The following PPM1D variants were observed in gnomAD, a reference collection of about 807,000 sequenced individuals.
PPM1D encodes the protein protein phosphatase 1D.
Under a neutral mutation model 58.3 loss-of-function variants are expected in PPM1D, and 52 were observed. The ratio of observed to expected loss-of-function variants is 0.89; its 90% CI spans 0.71 to 1.12. The LOEUF (loss-of-function observed/expected upper bound fraction) is 1.12, where lower values mean the gene tolerates loss of function less well. Ranked by LOEUF, PPM1D falls within the 50% of genes most tolerant of loss-of-function variation. PPM1D has a pLI of 0.00. For missense variants in PPM1D, 564 were observed against 777.2 expected (o/e 0.73, Z 3.26); for synonymous variants, 278 against 285.1 (o/e 0.98, Z 0.25).
chr17:60,629,778 T>C (rs1459260824), intron 2 of PPM1D, among the ~76,000 whole-genome samples: 1 of 152,150 alleles, frequency 6.6e-6, no homozygotes. Flanking sequence ...TGGCTTACGC[T>C]TATAATCCCA....
In PPM1D at chr17:60,631,234, C is replaced by T. The variant is rs960072171; in HGVS notation, c.702-2619C>T. ...ATTTGGGAAGCTGAGGTGGGAGCAT[C>T]ACTTGAGCCTGGGAAGTCAAAGCTG... On this transcript the variant is annotated intron_variant, in intron 2 of 5. Transcript: ENST00000305921. Among the ~76,000 whole-genome samples, 11 of 152,242 alleles carry T rather than the reference C, an allele frequency of 7.2e-5. No homozygotes were observed. The East Asian group carries it at 2.1e-3, about 30-fold the overall frequency.
At chr17:60,630,104 A>G (rs1215452466) in intron 2 of PPM1D, among the ~76,000 whole-genome samples, 2 of 152,124 alleles carry the variant, frequency 1.3e-5, no homozygotes, top group Non-Finnish European at 2.9e-5. Context: ...TTTGGAGGCC[A>G]AGATGGGAGG....
intron 2 of PPM1D, among the ~76,000 whole-genome samples, chr17:60,632,217 C>T (rs2030937070): frequency 6.6e-6 from 1 of 151,542 alleles, no homozygotes; most frequent in Non-Finnish European, 1.5e-5. Context: ...AAAACCTAAT[C>T]ATATTTCCAA....
intron 3 of PPM1D, among the ~76,000 whole-genome samples, chr17:60,645,456 A>ATGTGTGTGTGTGTGTG (rs371276467): frequency 1.1e-4 from 14 of 123,908 alleles, no homozygotes; most frequent in African/African-American, 3.8e-4. Context: ...TAAAATATAT[A>ATGTGTGTGTGTGTGTG]TGTGTGTGTG....
Position 60,600,523 on chromosome 17 carries a change from GA to G in PPM1D, c.113del (p.Lys38SerfsTer127). 1 of 1,562,132 alleles carries G rather than the reference GA, an allele frequency of 6.4e-7. No individual in the cohort carries two copies. The highest frequency in any genetic ancestry group is 8.7e-7 in the Non-Finnish European group (1 of 1,153,492). On this transcript the variant is annotated frameshift_variant, in exon 1 of 6. Coordinates refer to ENST00000305921, the MANE Select transcript of PPM1D (RefSeq NM_003620.4). LOFTEE classifies it high-confidence loss of function. The part of the protein sequence containing the change: ...IVVEPEPTAE[E>X]KPSPRRSLSQ... ...TGTGGAGCCCGAACCGACGGCTGAA[GA>G]AAAGCCCTCGCCGCGGCGGTCGCTG...
At chr17:60,628,005 G>A (rs767706236) in intron 2 of PPM1D, among the ~76,000 whole-genome samples, 114 of 151,990 alleles carry the variant, frequency 7.5e-4, no homozygotes, top group Non-Finnish European at 1.4e-3. Flanking sequence ...GAGTAGCTGG[G>A]ATTAGAGGCA....
intron 1 of PPM1D, among the ~76,000 whole-genome samples, chr17:60,602,070 G>T (rs1224745777): frequency 1.3e-5 from 2 of 152,208 alleles, no homozygotes; most frequent in Admixed American, 6.5e-5. Context: ...TTCAAAGTCT[G>T]TTTTCCATTT....
chr17:60,625,791 A>G (rs942718255), intron 2 of PPM1D, among the ~76,000 whole-genome samples: 1 of 152,212 alleles, frequency 6.6e-6, no homozygotes, highest in Non-Finnish European at 1.5e-5. Context: ...TGGGAATAAG[A>G]TGGAAATATT....
Position 60,645,452 on chromosome 17 carries a change from ATATATGTG to A in PPM1D, c.827-2438_827-2431del, listed in dbSNP as rs1427990900. Among the ~76,000 whole-genome samples the A allele has an allele frequency of 4.6e-4, 50 of 108,350 alleles. No homozygotes were observed. The Admixed American group carries it at 5.2e-3, about 11-fold the overall frequency. 71.1% of individuals were successfully genotyped at this position (108,350 alleles called of 152,430 possible). A position where few individuals can be genotyped will look rare whatever the true frequency, so the allele number is the denominator to read the frequency against. The stretch of plus-strand genomic sequence containing the variant: ...TGGTTTCACCAAAGCAATGTAAAAT[ATATATGTG>A]TGTGTGTGTGTGTGTGTGTGTGTGT... On this transcript the variant is annotated intron_variant, in intron 3 of 5. Coordinates refer to ENST00000305921, the MANE Select transcript of PPM1D (RefSeq NM_003620.4).
chr17:60,619,241 A>G (rs906618550), intron 1 of PPM1D, among the ~76,000 whole-genome samples: 1 of 150,048 alleles, frequency 6.7e-6, no homozygotes, highest in African/African-American at 2.5e-5. Flanking sequence ...TGGCTGAACG[A>G]TATTCCATTG....
chr17:60,656,457 A>T, intron 4 of PPM1D, 142 bp from the exon 5 acceptor site: 3 of 1,168,090 alleles, frequency 2.6e-6, no homozygotes, highest in Non-Finnish European at 3.5e-6. Flanking sequence ...TGTCTCAAAA[A>T]AAAAAAAAGA....
chr17:60,650,276 C>T (rs372772012), intron 4 of PPM1D, among the ~76,000 whole-genome samples: 5 of 152,146 alleles, frequency 3.3e-5, no homozygotes, highest in African/African-American at 1.2e-4. Context: ...GTAGGCCGGG[C>T]GCAGTGGCTC....
At chr17:60,658,310 A>G (rs1244307720) in intron 5 of PPM1D, among the ~76,000 whole-genome samples, 1 of 152,212 alleles carries the variant, frequency 6.6e-6, no homozygotes, top group African/African-American at 2.4e-5. Flanking sequence ...AAATTATTGC[A>G]GTCTGCTGAC....
intron 3 of PPM1D, among the ~76,000 whole-genome samples, chr17:60,642,752 C>T (rs1168852345): frequency 2.6e-5 from 4 of 152,056 alleles, no homozygotes; most frequent in Non-Finnish European, 5.9e-5. Context: ...CCACTGCCTC[C>T]GGCCAGGAAA....
chr17:60,639,069 G>T (rs534822588), intron 3 of PPM1D, among the ~76,000 whole-genome samples: 1 of 152,168 alleles, frequency 6.6e-6, no homozygotes, highest in East Asian at 1.9e-4. Context: ...TTGCAGTCTA[G>T]GAAAGGGTTG....
At position 60,600,498 on chromosome 17, in the gene PPM1D, T is replaced by C; in HGVS notation, c.84T>C (p.Val28=). The C allele has an allele frequency of 1.3e-6, 2 of 1,571,956 alleles. No homozygotes were observed. The highest frequency in any genetic ancestry group is 1.9e-5 in the Admixed American group (1 of 52,708). Residue 28 remains valine (V), a synonymous_variant, in exon 1 of 6, where the codon GTT becomes GTC. Coordinates refer to ENST00000305921, the MANE Select transcript of PPM1D (RefSeq NM_003620.4). ...RKYMEDVTQI[V]VEPEPTAEEK... ...ACATGGAGGACGTTACTCAAATCGT[T>C]GTGGAGCCCGAACCGACGGCTGAAG...
At chr17:60,623,278 A>G (rs1009169296) in intron 1 of PPM1D, among the ~76,000 whole-genome samples, 5 of 152,268 alleles carry the variant, frequency 3.3e-5, no homozygotes, top group Admixed American at 1.3e-4. Flanking sequence ...CTGTCCTGTA[A>G]TATATTTCTC....
chr17:60,647,963 A>C lies in PPM1D; in HGVS notation c.898A>C (p.Thr300Pro). ...VSPEPDTSVH[T>P]LDPQKHKYII... ...ACCTGAACCAGACACAAGTGTCCAC[A>C]CTCTTGACCCTCAGAAGCACAAGTA... The change falls in exon 4 of 6, where the codon ACT becomes CCT. Residue 300 changes from threonine to proline, a missense_variant. This residue lies in a region of PPM1D where 95 missense variants were observed against 232.6 expected (regional missense o/e 0.41). Transcript: ENST00000305921. 2.5e-6 allele frequency: 4 copies of C among 1,613,680 alleles called. No homozygotes were observed. In the East Asian group the frequency reaches 8.9e-5, roughly 36 times the overall value.
At chr17:60,611,739 G>C (rs1322789506) in intron 1 of PPM1D, among the ~76,000 whole-genome samples, 1 of 152,016 alleles carries the variant, frequency 6.6e-6, no homozygotes, top group Non-Finnish European at 1.5e-5. Context: ...TATGTATTTT[G>C]GATACTAATT....
Sources: allele counts gnomAD v4.1 joint callset (sites outside exome capture counted in the v4.1 genomes callset), GRCh38; gene constraint gnomAD v4.1.1; regional missense constraint gnomAD v4.1.1; transcripts MANE v1.5; gene names NCBI Gene and HGNC (gene_info 2026-07-23, HGNC 2026-07-21).